The following NRXN3 variants were observed in gnomAD, a reference collection of about 807,000 sequenced individuals.
NRXN3 encodes neurexin 3.
A neutral mutation model predicts 137.6 loss-of-function variants in NRXN3; 32 were observed. The observed-to-expected ratio is 0.23, with a 90% confidence interval of 0.18 to 0.31. NRXN3 has a LOEUF of 0.31. NRXN3 is among the 10% of genes least tolerant of loss of function. The probability of loss-of-function intolerance (pLI) is 1.00; values close to 1 mark genes in which losing one functional copy is unlikely to be tolerated. For missense variants in NRXN3, 1,574 were observed against 2,062.5 expected, an observed-to-expected ratio of 0.76 and a Z score of 4.59; for synonymous variants, 798 against 784.5, an observed-to-expected ratio of 1.02 and a Z score of -0.29.
At chr14:78,209,941 G>A (rs1279979492) in intron 1 of NRXN3, among the ~76,000 whole-genome samples, 1 of 151,998 alleles carries the variant, frequency 6.6e-6, no homozygotes, top group Non-Finnish European at 1.5e-5. Context: ...TTTATTATCT[G>A]TCTCTCTCCA....
chr14:78,820,295 T>A (rs951014847), intron 10 of NRXN3, among the ~76,000 whole-genome samples: 12 of 149,710 alleles, frequency 8.0e-5, no homozygotes, highest in Non-Finnish European at 1.6e-4. Context: ...AAAGATAATA[T>A]AATTTGAATT....
At chr14:79,831,353 C>T (rs773579579) in intron 20 of NRXN3, among the ~76,000 whole-genome samples, 4 of 152,130 alleles carry the variant, frequency 2.6e-5, no homozygotes, top group Admixed American at 2.6e-4. Flanking sequence ...AATGTTAATG[C>T]AGAACTAGGT....
At chr14:78,940,810 TAGC>T (rs1488940757) in intron 10 of NRXN3, among the ~76,000 whole-genome samples, 3 of 152,220 alleles carry the variant, frequency 2.0e-5, no homozygotes, top group Non-Finnish European at 4.4e-5. Flanking sequence ...AAATTATTAA[TAGC>T]AGCAAGTAGT....
chr14:78,491,493 T>C (rs756589032), intron 4 of NRXN3, among the ~76,000 whole-genome samples: 5 of 152,220 alleles, frequency 3.3e-5, no homozygotes, highest in Admixed American at 6.5e-5. Context: ...GATTGGAATG[T>C]ATTCTCAGGT....
Position 79,263,464 on chromosome 14 carries a change from C to A in NRXN3, c.3263-203757C>A, listed in dbSNP as rs116788378. Among the ~76,000 whole-genome samples the A allele has an allele frequency of 8.2e-3, 1,250 of 152,190 alleles. 15 individuals carry two copies. Among genetic ancestry groups the A allele is most frequent in the African/African-American group, 0.029 (1,185 of 41,520 alleles). On this transcript the variant is annotated intron_variant, in intron 15 of 20. Coordinates refer to ENST00000335750, the MANE Select transcript of NRXN3 (RefSeq NM_001330195.2). ...TAAATGTGTGTGTGTTTATCTCATT[C>A]ATTAGTAACCAGAGACAAGCAGGAA...
intron 4 of NRXN3, among the ~76,000 whole-genome samples, chr14:78,406,913 C>A (rs536596396): frequency 1.3e-5 from 2 of 152,284 alleles, no homozygotes; most frequent in South Asian, 4.1e-4. Flanking sequence ...ATATACCCTG[C>A]ACTCTAATAG....
chr14:78,219,256 T>C (rs1273217844), intron 1 of NRXN3, among the ~76,000 whole-genome samples: 1 of 152,172 alleles, frequency 6.6e-6, no homozygotes, highest in Non-Finnish European at 1.5e-5. Context: ...ATGTGACATC[T>C]GATGCTGAGA....
chr14:78,913,646 A>G (rs2099247073), intron 10 of NRXN3, among the ~76,000 whole-genome samples: 1 of 152,100 alleles, frequency 6.6e-6, no homozygotes, highest in Admixed American at 6.6e-5. Context: ...AGAAATGTTC[A>G]TATTCGTTGG....
intron 2 of NRXN3, among the ~76,000 whole-genome samples, chr14:78,254,478 A>G (rs894335267): frequency 6.6e-6 from 1 of 152,168 alleles, no homozygotes; most frequent in Non-Finnish European, 1.5e-5. Flanking sequence ...CAGGACATCG[A>G]AATCATCCTG....
At chr14:78,803,864 T>C (rs781496892) in intron 9 of NRXN3, 41 bp downstream of exon 9, 2 of 1,544,592 alleles carry the variant, frequency 1.3e-6, no homozygotes, top group South Asian at 2.2e-5. Context: ...TTTGGGCTTG[T>C]CTTCCCTTTC....
In NRXN3 at chr14:79,489,684, G is replaced by T. The variant is rs1247139394; in HGVS notation, c.3444+22282G>T. On this transcript the variant is annotated intron_variant, in intron 16 of 20. Coordinates refer to ENST00000335750, the MANE Select transcript of NRXN3 (RefSeq NM_001330195.2). ...TATGGAAATGAGTTGGAGTATAGGCGATAATTAACCTGGAAGGGAAGAAAA... is the reference window on the plus strand; with the variant it reads ...TATGGAAATGAGTTGGAGTATAGGCTATAATTAACCTGGAAGGGAAGAAAA... Among the ~76,000 whole-genome samples, 3 of 152,080 alleles carry T rather than the reference G, an allele frequency of 2.0e-5. No homozygotes were observed. The East Asian group carries it at 5.8e-4, about 29-fold the overall frequency.
chr14:78,294,596 G>C (rs1211527072), intron 3 of NRXN3, among the ~76,000 whole-genome samples: 1 of 150,274 alleles, frequency 6.7e-6, no homozygotes, highest in Non-Finnish European at 1.5e-5. Flanking sequence ...GCTCCTATGT[G>C]TAGGCACAAA....
intron 15 of NRXN3, among the ~76,000 whole-genome samples, chr14:79,303,411 C>G (rs2085476262): frequency 6.6e-6 from 1 of 152,044 alleles, no homozygotes; most frequent in African/African-American, 2.4e-5. Flanking sequence ...CTTTTTCTGC[C>G]TTGTGCAGGA....
At chr14:78,943,209 C>G (rs1597690056) in intron 10 of NRXN3, among the ~76,000 whole-genome samples, 2 of 151,952 alleles carry the variant, frequency 1.3e-5, no homozygotes, top group South Asian at 2.1e-4. Flanking sequence ...AAAGTTCATA[C>G]ATGTGGGAAA....
At chr14:78,310,519 C>T (rs1242709245) in intron 4 of NRXN3, among the ~76,000 whole-genome samples, 1 of 152,000 alleles carries the variant, frequency 6.6e-6, no homozygotes, top group Admixed American at 6.6e-5. Context: ...CAGGCATACG[C>T]TCCCTTGTTT....
chr14:79,138,105 T>A (rs1237097761), intron 15 of NRXN3, among the ~76,000 whole-genome samples: 2 of 152,256 alleles, frequency 1.3e-5, no homozygotes, highest in Non-Finnish European at 2.9e-5. Flanking sequence ...GTTCTTTGAA[T>A]AGGACATGGG....
At chr14:79,393,212 C>T (rs2153476319) in intron 15 of NRXN3, among the ~76,000 whole-genome samples, 1 of 151,958 alleles carries the variant, frequency 6.6e-6, no homozygotes, top group African/African-American at 2.4e-5. Flanking sequence ...ATTGTAATTA[C>T]AGCAGAGCAA....
intron 19 of NRXN3, among the ~76,000 whole-genome samples, chr14:79,774,153 A>G (rs893414542): frequency 4.6e-5 from 7 of 152,122 alleles, no homozygotes; most frequent in Non-Finnish European, 1.0e-4. Context: ...AAGTTATAAA[A>G]TGCTAACCAA....
rs774053042 is a variant in NRXN3, at chr14:79,647,260, C to T, written c.3445-16518C>T. On this transcript the variant is annotated intron_variant, in intron 16 of 20. Coordinates refer to ENST00000335750, the MANE Select transcript of NRXN3 (RefSeq NM_001330195.2). ...TAATTTTTTTCACTATCAGTTTCTA[C>T]TCAAAATTAAATGGTAGCTCTAGAA... 3.7e-5 allele frequency among the ~76,000 whole-genome samples: 5 copies of T among 135,510 alleles called. 1 individual carries two copies. Among genetic ancestry groups the T allele is most frequent in the Non-Finnish European group, 8.6e-5 (5 of 58,372 alleles). The allele number at this position is 135,510 out of a possible 152,430, so 88.9% of individuals were successfully genotyped here. A position where few individuals can be genotyped will look rare whatever the true frequency, so the allele number is the denominator to read the frequency against.
Sources: allele counts gnomAD v4.1 joint callset (sites outside exome capture counted in the v4.1 genomes callset), GRCh38; gene constraint gnomAD v4.1.1; transcripts MANE v1.5; gene names NCBI Gene and HGNC (gene_info 2026-07-23, HGNC 2026-07-21).